The following SPRY3 variants were observed in gnomAD, a reference collection of about 807,000 sequenced individuals.
SPRY3 encodes sprouty RTK signaling antagonist 3, also known as protein sprouty homolog 3.
In SPRY3, 15 loss-of-function variants were observed where a neutral mutation model predicts 20.2. That is an observed-to-expected ratio of 0.74 (90% CI 0.50 to 1.14). The LOEUF is 1.14. Ranked by LOEUF, SPRY3 falls within the 50% of genes most tolerant of loss-of-function variation. The pLI, the probability that SPRY3 is intolerant of heterozygous loss-of-function variation, is 0.00. For synonymous variants in SPRY3, 143 were observed against 136.5 expected, an observed-to-expected ratio of 1.05 and a Z score of -0.33; for missense variants, 364 against 363.9, an observed-to-expected ratio of 1.00 and a Z score of 0.00.
intron 2 of SPRY3, among the ~76,000 whole-genome samples, chrX:155,747,839 T>A (rs2091236629): frequency 6.7e-6 from 1 of 149,578 alleles, no homozygotes; most frequent in South Asian, 2.1e-4. Flanking sequence ...TGAAGGAACT[T>A]TTTTTTTTTA....
intron 2 of SPRY3, among the ~76,000 whole-genome samples, chrX:155,727,064 C>T (rs193079314): frequency 2.4e-3 from 367 of 152,164 alleles, no homozygotes; most frequent in African/African-American, 8.5e-3. Context: ...ACTTATAAAG[C>T]TTAGTTTGGC....
At chrX:155,732,261 G>A (rs1429322965) in intron 2 of SPRY3, among the ~76,000 whole-genome samples, 1 of 151,978 alleles carries the variant, frequency 6.6e-6, no homozygotes, top group Non-Finnish European at 1.5e-5. Flanking sequence ...GCCTCAAAGA[G>A]TGTGTTTATG....
chrX:155,767,704 GA>G (rs1304072812), intron 2 of SPRY3: 3,782 of 132,034 alleles, frequency 0.029, 124 homozygotes, highest in Non-Finnish European at 0.047. Context: ...GGAGGAGAAA[GA>G]AGAGGAGGAG....
chrX:155,724,625 G>A (rs1189138031), intron 2 of SPRY3, among the ~76,000 whole-genome samples: 2 of 152,090 alleles, frequency 1.3e-5, no homozygotes, highest in Non-Finnish European at 2.9e-5. Flanking sequence ...TGGTGTATAA[G>A]AATGCTTGTG....
rs2091413417 is a variant in SPRY3, at chrX:155,774,847, C to T, written c.*109C>T. On this transcript the variant is annotated 3_prime_UTR_variant, in exon 4 of 4. Coordinates refer to ENST00000675360, the Ensembl canonical transcript of SPRY3. ...AGTGATAAACTAGCCAAAGTTAGGG[C>T]CTCTCTTTTGTTCCTGCAGTGTCAG... is the stretch of plus-strand genomic sequence containing the variant. The T allele has an allele frequency of 6.9e-5, 90 of 1,302,396 alleles. No individual in the cohort carries two copies. The South Asian group carries it at 1.2e-3, about 17-fold the overall frequency. The allele number at this position is 1,302,396 out of a possible 1,614,324, so 80.7% of individuals were successfully genotyped here. A position where few individuals can be genotyped will look rare whatever the true frequency, so the allele number is the denominator to read the frequency against.
chrX:155,665,805 T>C (rs782361713), intron 2 of SPRY3, among the ~76,000 whole-genome samples: 3 of 111,815 alleles, frequency 2.7e-5, no homozygotes, highest in Non-Finnish European at 3.8e-5. Context: ...CTATCTGTAA[T>C]GTTTTATTTT....
At chrX:155,770,172 C>T (rs909662573) in intron 3 of SPRY3, among the ~76,000 whole-genome samples, 21 of 152,138 alleles carry the variant, frequency 1.4e-4, no homozygotes, top group African/African-American at 4.8e-4. Context: ...CTCTTCCTCA[C>T]TCCACTCTTC....
At chrX:155,619,993 A>G (rs1409147295) in intron 1 of SPRY3, among the ~76,000 whole-genome samples, 5 of 111,773 alleles carry the variant, frequency 4.5e-5, no homozygotes, top group Non-Finnish European at 9.4e-5. Flanking sequence ...AAGACACAAC[A>G]CTTCACACAA....
At chrX:155,673,716 C>T (rs1412649119) in intron 2 of SPRY3, among the ~76,000 whole-genome samples, 6 of 112,117 alleles carry the variant, frequency 5.4e-5, no homozygotes, top group Non-Finnish European at 9.4e-5. Context: ...TTTATCTATG[C>T]TCTTTTTCAA....
At chrX:155,694,870 G>T (rs1217596885) in intron 2 of SPRY3, among the ~76,000 whole-genome samples, 1 of 111,322 alleles carries the variant, frequency 9.0e-6, no homozygotes, top group African/African-American at 3.3e-5. Flanking sequence ...GGGAGTGGCT[G>T]TAAATACAGA....
intron 2 of SPRY3, among the ~76,000 whole-genome samples, chrX:155,693,324 A>G (rs964919913): frequency 8.9e-6 from 1 of 111,930 alleles, no homozygotes; most frequent in East Asian, 2.8e-4. Flanking sequence ...ATTTAATTCC[A>G]CTGTGGTCAG....
In SPRY3 at chrX:155,661,413, G is replaced by T. The variant is rs782259328; in HGVS notation, c.-282+4388G>T. On this transcript the variant is annotated intron_variant, in intron 2 of 3. Transcript: ENST00000675360. ...GAGAAGTCTGGTGTTAGTCTGATGG[G>T]ATTTCCTTCATAGGTGATTAGATGC... Among the ~76,000 whole-genome samples the T allele has an allele frequency of 1.4e-3, 153 of 111,507 alleles. 1 individual carries two copies. The highest frequency in any genetic ancestry group is 1.7e-3 in the Non-Finnish European group (88 of 53,009).
chrX:155,703,868 C>G (rs1214218301), intron 2 of SPRY3, among the ~76,000 whole-genome samples: 1 of 151,872 alleles, frequency 6.6e-6, no homozygotes, highest in Non-Finnish European at 1.5e-5. Flanking sequence ...AGATATTGTT[C>G]TGGTCGACCA....
intron 1 of SPRY3, among the ~76,000 whole-genome samples, chrX:155,642,320 C>T (rs2067944606): frequency 8.9e-6 from 1 of 112,017 alleles, no homozygotes; most frequent in South Asian, 3.7e-4. Flanking sequence ...AAACGTCTAT[C>T]AGTTGTAATG....
At chrX:155,746,977 A>C (rs1490346446) in intron 2 of SPRY3, among the ~76,000 whole-genome samples, 2 of 151,856 alleles carry the variant, frequency 1.3e-5, no homozygotes. Context: ...TCTTGGCTCC[A>C]AACTGTGGAT....
intron 2 of SPRY3, among the ~76,000 whole-genome samples, chrX:155,759,922 C>T (rs1166209429): frequency 2.6e-5 from 4 of 152,130 alleles, no homozygotes; most frequent in Non-Finnish European, 5.9e-5. Context: ...AAAATACTTC[C>T]TCCAGGAAGC....
At chrX:155,766,635 C>G (rs2091332071) in intron 2 of SPRY3, among the ~76,000 whole-genome samples, 1 of 152,180 alleles carries the variant, frequency 6.6e-6, no homozygotes, top group African/African-American at 2.4e-5. Flanking sequence ...GTTCTTCTGT[C>G]TGGATGCCCA....
Position 155,768,154 on chromosome X carries a change from G to C in SPRY3, c.-107+18G>C, listed in dbSNP as rs1413655295. 1.3e-5 allele frequency: 2 copies of C among 151,942 alleles called. No individual in the cohort carries two copies. Among genetic ancestry groups the C allele is most frequent in the South Asian group, 2.1e-4 (1 of 4,804 alleles). The allele number at this position is 151,942 out of a possible 1,614,324, so 9.4% of individuals were successfully genotyped here. A position where few individuals can be genotyped will look rare whatever the true frequency, so the allele number is the denominator to read the frequency against. ...TCCTCAAGGTAAGCCATAGAAATTAGCTCTTTAAAAACCCAGAATTCTTTC... is the reference window on the plus strand; with the variant it reads ...TCCTCAAGGTAAGCCATAGAAATTACCTCTTTAAAAACCCAGAATTCTTTC... On this transcript the variant is annotated intron_variant, in intron 3 of 3. Coordinates refer to ENST00000675360, the Ensembl canonical transcript of SPRY3.
At chrX:155,762,576 A>G (rs1401810313) in intron 2 of SPRY3, among the ~76,000 whole-genome samples, 2 of 152,220 alleles carry the variant, frequency 1.3e-5, no homozygotes, top group Non-Finnish European at 2.9e-5. Flanking sequence ...TAACTAAAGC[A>G]TTTGTGATGT....
Sources: gnomAD v4.1 joint callset for allele counts (sites outside exome capture counted in the v4.1 genomes callset) on GRCh38, gnomAD v4.1.1 for gene constraint, MANE v1.5 for transcripts, NCBI Gene and HGNC (gene_info 2026-07-23, HGNC 2026-07-21) for gene names.